Variants in TPST1 observed in about 807,000 individuals in gnomAD.
TPST1 encodes protein-tyrosine sulfotransferase 1.
In TPST1, 20 loss-of-function variants were observed where a neutral mutation model predicts 34.8. The observed-to-expected ratio is 0.57, with a 90% CI of 0.40 to 0.84. TPST1 has a LOEUF of 0.84. Ranked by LOEUF, TPST1 falls within the 40% of genes least tolerant of loss-of-function variation. The probability of loss-of-function intolerance (pLI) is 0.00; values close to 1 mark genes in which losing one functional copy is unlikely to be tolerated. For missense variants in TPST1, 353 were observed against 455.5 expected, an observed-to-expected ratio of 0.78 and a Z score of 2.05; for synonymous variants, 152 against 159.4, an observed-to-expected ratio of 0.95 and a Z score of 0.35.
intron 2 of TPST1, among the ~76,000 whole-genome samples, chr7:66,275,164 AG>A: frequency 6.6e-6 from 1 of 152,232 alleles, no homozygotes; most frequent in Non-Finnish European, 1.5e-5. Context: ...ACTGCACTCC[AG>A]CCTGGGTGAC....
chr7:66,268,980 G>A (rs757461802), intron 2 of TPST1, among the ~76,000 whole-genome samples: 1 of 152,168 alleles, frequency 6.6e-6, no homozygotes, highest in African/African-American at 2.4e-5. Flanking sequence ...CACCACGCCC[G>A]GCCTATAAAA....
intron 3 of TPST1, among the ~76,000 whole-genome samples, chr7:66,304,043 T>C (rs1190353337): frequency 6.6e-6 from 1 of 152,122 alleles, no homozygotes; most frequent in Admixed American, 6.6e-5. Flanking sequence ...CAGGGAAACA[T>C]TGAGCCACTG....
upstream of TPST1, among the ~76,000 whole-genome samples, chr7:66,204,462 A>T (rs567686457): frequency 6.6e-6 from 1 of 152,306 alleles, no homozygotes; most frequent in Non-Finnish European, 1.5e-5. Flanking sequence ...GTGATTCACC[A>T]GCTTTGGCTT....
chr7:66,269,443 T>C (rs1258917478), intron 2 of TPST1, among the ~76,000 whole-genome samples: 1 of 152,254 alleles, frequency 6.6e-6, no homozygotes, highest in Non-Finnish European at 1.5e-5. Context: ...AATAGTTCAC[T>C]ACTAGAAAAA....
chr7:66,307,858 A>C (rs1207793449), intron 3 of TPST1, among the ~76,000 whole-genome samples: 3 of 152,224 alleles, frequency 2.0e-5, no homozygotes, highest in Non-Finnish European at 4.4e-5. Flanking sequence ...CATTTTGTCC[A>C]CTTGGTTATT....
chr7:66,210,100 C>T (rs899256538), intron 1 of TPST1, among the ~76,000 whole-genome samples: 2 of 152,038 alleles, frequency 1.3e-5, no homozygotes, highest in Non-Finnish European at 2.9e-5. Flanking sequence ...ATAATGAGGC[C>T]AGTGAGGCTA....
intron 4 of TPST1, chr7:66,352,960 T>G (rs757541543): frequency 5.9e-5 from 58 of 985,308 alleles, no homozygotes; most frequent in Non-Finnish European, 6.9e-5. Flanking sequence ...CTTTTCTCAT[T>G]TGGAGCCCAG....
intron 3 of TPST1, among the ~76,000 whole-genome samples, chr7:66,295,322 C>G (rs1441023456): frequency 2.0e-5 from 3 of 151,976 alleles, no homozygotes; most frequent in African/African-American, 4.8e-5. Context: ...TGGCAAAACC[C>G]CATCTCTACA....
At chr7:66,328,010 C>CT (rs1791904797) in intron 3 of TPST1, among the ~76,000 whole-genome samples, 22 of 57,436 alleles carry the variant, frequency 3.8e-4, no homozygotes, top group East Asian at 1.4e-3. Context: ...TTTTTCCTTT[C>CT]CTTTTTTTTT....
chr7:66,242,540 G>A (rs1400334478), intron 2 of TPST1, among the ~76,000 whole-genome samples: 1 of 152,070 alleles, frequency 6.6e-6, no homozygotes, highest in Non-Finnish European at 1.5e-5. Context: ...AGTGGCTCTA[G>A]GTTGTTTTTA....
chr7:66,245,126 ACTTT>A (rs1790120987), intron 2 of TPST1, among the ~76,000 whole-genome samples: 1 of 152,338 alleles, frequency 6.6e-6, no homozygotes, highest in Non-Finnish European at 1.5e-5. Flanking sequence ...TAAATTCATA[ACTTT>A]CTTTTTAATA....
At chr7:66,313,056 GAA>G (rs57209573) in intron 3 of TPST1, among the ~76,000 whole-genome samples, 60,570 of 145,432 alleles carry the variant, frequency 0.42, 12,657 homozygotes, top group Non-Finnish European at 0.48. Flanking sequence ...TAAGGATCCT[GAA>G]AAAAAAAAAA....
In TPST1 at chr7:66,277,377, C is replaced by T. The variant is rs74816147; in HGVS notation, c.846-9134C>T. ...GTTTCCCATTCTCAGTTTTCAGATG[C>T]GTTGTTGCTTCTTTTTCTTTCACCA... On this transcript the variant is annotated intron_variant, in intron 2 of 5. Transcript: ENST00000304842. 5.9e-3 allele frequency among the ~76,000 whole-genome samples: 901 copies of T among 152,188 alleles called. 5 individuals are homozygous for T. The highest frequency in any genetic ancestry group is 0.021 in the African/African-American group (865 of 41,510).
chr7:66,313,077 C>T, intron 3 of TPST1, among the ~76,000 whole-genome samples: 1 of 149,760 alleles, frequency 6.7e-6, no homozygotes, highest in Admixed American at 6.7e-5. Context: ...AAAAATCCTG[C>T]ATATATCAAG....
chr7:66,242,017 G>A (rs753656792), intron 2 of TPST1, among the ~76,000 whole-genome samples: 4 of 152,154 alleles, frequency 2.6e-5, no homozygotes, highest in Non-Finnish European at 5.9e-5. Flanking sequence ...CATACAAGAA[G>A]TTCCTTGGAT....
chr7:66,265,316 A>G (rs1374662671), intron 2 of TPST1, among the ~76,000 whole-genome samples: 1 of 152,148 alleles, frequency 6.6e-6, no homozygotes, highest in Non-Finnish European at 1.5e-5. Context: ...TTGGGAGACC[A>G]AAACAGGCAG....
chr7:66,210,970 G>C (rs1789229348), intron 1 of TPST1, among the ~76,000 whole-genome samples: 1 of 151,810 alleles, frequency 6.6e-6, no homozygotes, highest in East Asian at 1.9e-4. Flanking sequence ...CCGTCTGTCT[G>C]TCTGCCACAC....
In TPST1 at chr7:66,283,982, A is replaced by T. The variant is rs942194169; in HGVS notation, c.846-2529A>T. ...TGAATTTGAATTTTATGCTTGATAT[A>T]TATAAAATGTCATTTCTGCTGATCT... On this transcript the variant is annotated intron_variant, in intron 2 of 5. Coordinates refer to ENST00000304842, the MANE Select transcript of TPST1 (RefSeq NM_003596.4). Among the ~76,000 whole-genome samples, 3 of 152,212 alleles carry T rather than the reference A, an allele frequency of 2.0e-5. No homozygotes were observed. In the East Asian group the frequency reaches 5.8e-4, roughly 29 times the overall value.
At position 66,330,894 on chromosome 7, in the gene TPST1, C is replaced by T. The variant is rs745763169; in HGVS notation, c.1045-21611C>T. 2.3e-4 allele frequency among the ~76,000 whole-genome samples: 35 copies of T among 152,200 alleles called. 1 individual carries two copies. Among genetic ancestry groups the T allele is most frequent in the African/African-American group, 6.5e-4 (27 of 41,436 alleles). On this transcript the variant is annotated intron_variant, in intron 3 of 5. Transcript: ENST00000304842. Reference sequence around the variant, plus strand: ...TGAAGCATAACAAATTATTCTAAAACGTATTAATGGCTTAAATCAACAAAC... The same window carrying T: ...TGAAGCATAACAAATTATTCTAAAATGTATTAATGGCTTAAATCAACAAAC...
Sources: allele counts gnomAD v4.1 joint callset (sites outside exome capture counted in the v4.1 genomes callset), GRCh38; gene constraint gnomAD v4.1.1; transcripts MANE v1.5; gene names NCBI Gene and HGNC (gene_info 2026-07-23, HGNC 2026-07-21).